The following NRG1 variants were observed in gnomAD, a reference collection of about 807,000 sequenced individuals.
The protein encoded by NRG1 is pro-neuregulin-1, membrane-bound isoform.
NRG1 carries 18 observed loss-of-function variants against 63.8 expected under a neutral mutation model. The ratio of observed to expected loss-of-function variants is 0.28; its 90% CI spans 0.19 to 0.42. The LOEUF (loss-of-function observed/expected upper bound fraction) is 0.42. Among genes scored for constraint, NRG1 ranks in the 10% least tolerant of loss-of-function variants. NRG1 has a pLI of 1.00. For missense variants in NRG1, 762 were observed against 814.7 expected (o/e 0.94, Z 0.79); for synonymous variants, 302 against 301.3 (o/e 1.00, Z -0.02).
At chr8:32,278,579 C>T (rs1465902376) in intron 1 of NRG1, among the ~76,000 whole-genome samples, 2 of 152,200 alleles carry the variant, frequency 1.3e-5, no homozygotes, top group African/African-American at 4.8e-5. Context: ...GAAAGCTTGA[C>T]AGTATTTGCA....
intron 1 of NRG1, among the ~76,000 whole-genome samples, chr8:31,740,642 G>T (rs1009427237): frequency 6.6e-6 from 1 of 151,464 alleles, no homozygotes; most frequent in Non-Finnish European, 1.5e-5. Flanking sequence ...CTTGGAATTC[G>T]ATGTGTGTGT....
intron 1 of NRG1, among the ~76,000 whole-genome samples, chr8:32,366,658 T>A (rs1382720139): frequency 2.1e-3 from 131 of 63,170 alleles, no homozygotes; most frequent in African/African-American, 5.1e-3. Flanking sequence ...ATATATTGTG[T>A]GTGTGTGTGT....
At chr8:31,927,558 C>G (rs901148577) in intron 1 of NRG1, among the ~76,000 whole-genome samples, 2 of 148,228 alleles carry the variant, frequency 1.3e-5, no homozygotes, top group Non-Finnish European at 3.0e-5. Flanking sequence ...ACGCCATTCT[C>G]CTGCCTCAGC....
downstream of NRG1, among the ~76,000 whole-genome samples, chr8:32,770,428 C>T (rs534005008): frequency 7.6e-4 from 115 of 152,188 alleles, no homozygotes; most frequent in African/African-American, 2.7e-3. Context: ...CTTTCTATTG[C>T]GTTCTTCCCC....
chr8:32,327,184 G>C (rs930665553), intron 1 of NRG1, among the ~76,000 whole-genome samples: 3 of 152,152 alleles, frequency 2.0e-5, no homozygotes, highest in Non-Finnish European at 4.4e-5. Flanking sequence ...CTGTTTATTT[G>C]AACCTGAATC....
chr8:32,705,030 G>T (rs530003923), intron 5 of NRG1, among the ~76,000 whole-genome samples: 1 of 151,862 alleles, frequency 6.6e-6, no homozygotes, highest in Non-Finnish European at 1.5e-5. Flanking sequence ...ATAAAATTCT[G>T]AACATAAAAA....
intron 1 of NRG1, among the ~76,000 whole-genome samples, chr8:32,275,014 A>G (rs952509550): frequency 3.3e-5 from 5 of 152,084 alleles, no homozygotes; most frequent in African/African-American, 1.2e-4. Flanking sequence ...GTCTGGGCGT[A>G]TCCTGTGAAT....
chr8:31,907,040 C>A lies in NRG1; in HGVS notation c.37+267609C>A, dbSNP rs373308348. 2.7e-4 allele frequency among the ~76,000 whole-genome samples: 41 copies of A among 152,166 alleles called. No individual in the cohort carries two copies. In the South Asian group the frequency reaches 7.7e-3, roughly 29 times the overall value. On this transcript the variant is annotated intron_variant, in intron 1 of 10. Coordinates refer to the NRG1 transcript ENST00000519301. ...CTGATCCCAACAGAGAAACAAGAAA[C>A]CTCAGAGCACTTATATGCAAAGTAT...
rs557888756 is a variant in NRG1, at chr8:32,078,668, C to T, written c.37+439237C>T. Among the ~76,000 whole-genome samples, 12 of 152,244 alleles carry T rather than the reference C, an allele frequency of 7.9e-5. No individual in the cohort carries two copies. In the East Asian group the frequency reaches 2.3e-3, roughly 29 times the overall value. On this transcript the variant is annotated intron_variant, in intron 1 of 10. Transcript: ENST00000519301. ...TTAGTTTTATGAATGGGTGTCTCTC[C>T]AAACAATTTTTCCTGGCTGAGCTTT...
intron 1 of NRG1, among the ~76,000 whole-genome samples, chr8:32,533,373 A>G (rs994057644): frequency 6.6e-6 from 1 of 152,102 alleles, no homozygotes; most frequent in Admixed American, 6.5e-5. Context: ...ATGTAGCTAT[A>G]AAATACCTTA....
upstream of NRG1, among the ~76,000 whole-genome samples, chr8:32,547,875 C>G (rs547413882): frequency 6.6e-6 from 1 of 152,294 alleles, no homozygotes; most frequent in African/African-American, 2.4e-5. Context: ...CTGCTTGGGG[C>G]ACAGGTGTGG....
intron 1 of NRG1, among the ~76,000 whole-genome samples, chr8:31,811,909 A>C (rs1196194224): frequency 6.6e-6 from 1 of 152,166 alleles, no homozygotes; most frequent in Non-Finnish European, 1.5e-5. Context: ...TAAGCACCTC[A>C]AACTATGAGT....
intron 1 of NRG1, among the ~76,000 whole-genome samples, chr8:32,508,706 A>ACTTTG (rs995652785): frequency 1.3e-5 from 2 of 152,012 alleles, no homozygotes; most frequent in Non-Finnish European, 2.9e-5. Context: ...ACTTGTATAT[A>ACTTTG]CTTTGTGGTT....
chr8:32,338,473 A>G (rs1426063429), intron 1 of NRG1, among the ~76,000 whole-genome samples: 1 of 152,158 alleles, frequency 6.6e-6, no homozygotes, highest in Non-Finnish European at 1.5e-5. Context: ...TGAGGCATTC[A>G]TGCTCATTGT....
intron 1 of NRG1, among the ~76,000 whole-genome samples, chr8:31,791,664 T>C (rs897770059): frequency 1.3e-5 from 2 of 152,136 alleles, no homozygotes; most frequent in African/African-American, 4.8e-5. Context: ...TCTTGAGCTG[T>C]TTTTCATTTC....
intron 1 of NRG1, among the ~76,000 whole-genome samples, chr8:32,115,248 C>T (rs1832562409): frequency 6.6e-6 from 1 of 152,020 alleles, no homozygotes; most frequent in Admixed American, 6.6e-5. Context: ...CCAGGCTGAT[C>T]TCAAACTCCT....
chr8:32,113,266 G>A (rs1195421310), intron 1 of NRG1, among the ~76,000 whole-genome samples: 3 of 152,152 alleles, frequency 2.0e-5, no homozygotes, highest in Admixed American at 6.5e-5. Flanking sequence ...TGAGAGGCAC[G>A]GGGAAGCCAA....
At chr8:32,731,827 A>C (rs574173339) in intron 6 of NRG1, among the ~76,000 whole-genome samples, 1 of 152,308 alleles carries the variant, frequency 6.6e-6, no homozygotes, top group South Asian at 2.1e-4. Flanking sequence ...CATAGTTTCC[A>C]TATGGTCTAT....
chr8:32,227,599 G>A (rs1563928447), intron 1 of NRG1, among the ~76,000 whole-genome samples: 1 of 152,062 alleles, frequency 6.6e-6, no homozygotes, highest in Non-Finnish European at 1.5e-5. Flanking sequence ...TTTCCTTTCG[G>A]AATTTCTTTT....
Sources: gnomAD v4.1 joint callset for allele counts (sites outside exome capture counted in the v4.1 genomes callset) on GRCh38, gnomAD v4.1.1 for gene constraint, MANE v1.5 for transcripts, NCBI Gene and HGNC (gene_info 2026-07-23, HGNC 2026-07-21) for gene names.